GPR158: variants seen among roughly 807,000 people sequenced by gnomAD.
GPR158 encodes the protein metabotropic glycine receptor.
A neutral mutation model predicts 78.2 loss-of-function variants in GPR158; 30 were observed. The ratio of observed to expected loss-of-function variants is 0.38; its 90% CI spans 0.29 to 0.52. GPR158 has a LOEUF of 0.52. GPR158 is among the 20% of genes least tolerant of loss of function. The pLI is 0.83. For missense variants in GPR158, 1,463 were observed against 1,523.5 expected (o/e 0.96, Z 0.66); for synonymous variants, 581 against 591.1 (o/e 0.98, Z 0.25).
In GPR158 at chr10:25,598,345, G is replaced by C; in HGVS notation, c.2719G>C (p.Ala907Pro). 1 of 1,614,094 alleles carries C rather than the reference G, an allele frequency of 6.2e-7. No homozygotes were observed. Among genetic ancestry groups the C allele is most frequent in the Non-Finnish European group, 8.5e-7 (1 of 1,180,006 alleles). ...GTTACAGAAGTCTCTCAGTGTCATAGCAAGCGCCAAGGAGAAGACTCTTGG... is the reference window on the plus strand; with the variant it reads ...GTTACAGAAGTCTCTCAGTGTCATACCAAGCGCCAAGGAGAAGACTCTTGG... ...SMLQKSLSVI[A>P]SAKEKTLGLA... Residue 907 changes from alanine (A) to proline (P), a missense_variant, in exon 11 of 11, where the codon GCA becomes CCA. Coordinates refer to ENST00000376351, the MANE Select transcript of GPR158 (RefSeq NM_020752.3).
Position 25,292,075 on chromosome 10 carries a change from C to T in GPR158, c.1008+70918C>T, listed in dbSNP as rs572426752. On this transcript the variant is annotated intron_variant, in intron 2 of 10. Transcript: ENST00000376351. ...CTCCAACAAAGTAGTTAGATACACA[C>T]CCACACACATATACATACATGTTTA... Among the ~76,000 whole-genome samples the T allele has an allele frequency of 5.3e-5, 8 of 152,008 alleles. No individual in the cohort carries two copies. The South Asian group carries it at 1.7e-3, about 32-fold the overall frequency.
At chr10:25,406,463 G>A (rs976257888) in intron 3 of GPR158, among the ~76,000 whole-genome samples, 3 of 151,926 alleles carry the variant, frequency 2.0e-5, no homozygotes, top group Non-Finnish European at 2.9e-5. Flanking sequence ...TCTACCTTTG[G>A]TCAACCTGAA....
intron 2 of GPR158, among the ~76,000 whole-genome samples, chr10:25,347,185 G>A (rs1855382111): frequency 6.6e-6 from 1 of 151,918 alleles, no homozygotes; most frequent in Non-Finnish European, 1.5e-5. Context: ...GACTCTAGGG[G>A]AGAAGTGGTT....
At chr10:25,508,763 C>T (rs1836046472) in intron 5 of GPR158, among the ~76,000 whole-genome samples, 1 of 152,110 alleles carries the variant, frequency 6.6e-6, no homozygotes, top group African/African-American at 2.4e-5. Context: ...TTTCTGCTTA[C>T]TTACAGGAAA....
At chr10:25,304,216 C>T (rs1854636138) in intron 2 of GPR158, among the ~76,000 whole-genome samples, 1 of 151,330 alleles carries the variant, frequency 6.6e-6, no homozygotes, top group Non-Finnish European at 1.5e-5. Flanking sequence ...GGCTTTGAAC[C>T]TAAAATTCAC....
At chr10:25,342,998 C>T (rs947371136) in intron 2 of GPR158, among the ~76,000 whole-genome samples, 1 of 151,734 alleles carries the variant, frequency 6.6e-6, no homozygotes, top group African/African-American at 2.4e-5. Context: ...AAAGATAAGA[C>T]ACTGATCAAG....
chr10:25,553,503 C>A (rs1836751661), intron 6 of GPR158, among the ~76,000 whole-genome samples: 1 of 151,962 alleles, frequency 6.6e-6, no homozygotes, highest in African/African-American at 2.4e-5. Flanking sequence ...TTAACTGATC[C>A]CAACATTGTT....
intron 2 of GPR158, among the ~76,000 whole-genome samples, chr10:25,275,791 T>C (rs1265574764): frequency 2.6e-5 from 4 of 152,324 alleles, no homozygotes; most frequent in African/African-American, 9.6e-5. Context: ...ATTTTACATG[T>C]GGAGAAAATG....
At chr10:25,317,252 T>C (rs1370476632) in intron 2 of GPR158, among the ~76,000 whole-genome samples, 1 of 151,950 alleles carries the variant, frequency 6.6e-6, no homozygotes, top group African/African-American at 2.4e-5. Flanking sequence ...TTCACCATGT[T>C]GGTCAGGCTG....
At chr10:25,533,185 A>G (rs1309762324) in intron 5 of GPR158, among the ~76,000 whole-genome samples, 1 of 152,220 alleles carries the variant, frequency 6.6e-6, no homozygotes, top group Non-Finnish European at 1.5e-5. Context: ...GCTGCACTGT[A>G]GTAGTTCTTA....
chr10:25,433,536 G>GTGTGT (rs1554803602), intron 4 of GPR158, among the ~76,000 whole-genome samples: 9 of 131,890 alleles, frequency 6.8e-5, no homozygotes, highest in African/African-American at 2.8e-4. Flanking sequence ...TTAGGGGTGT[G>GTGTGT]TGTGTGTGTG....
At chr10:25,267,363 G>A (rs1382805852) in intron 2 of GPR158, among the ~76,000 whole-genome samples, 1 of 152,120 alleles carries the variant, frequency 6.6e-6, no homozygotes, top group Non-Finnish European at 1.5e-5. Flanking sequence ...AGTGTCCAGT[G>A]AAGGGGAGGC....
chr10:25,485,950 C>G (rs1835729462), intron 5 of GPR158, among the ~76,000 whole-genome samples: 1 of 152,020 alleles, frequency 6.6e-6, no homozygotes, highest in Non-Finnish European at 1.5e-5. Flanking sequence ...GGATTAGTGC[C>G]CTTTTAAAAG....
rs1168639485 is a variant in GPR158 at position 25,601,508 on chromosome 10, C to T, written c.*2234C>T. 1 of 152,612 alleles carries T rather than the reference C, an allele frequency of 6.6e-6. No individual in the cohort carries two copies. Among genetic ancestry groups the T allele is most frequent in the African/African-American group, 2.4e-5 (1 of 41,458 alleles). 9.5% of individuals were successfully genotyped at this position (152,612 alleles called of 1,614,324 possible). On this transcript the variant is annotated 3_prime_UTR_variant, in exon 11 of 11. Coordinates refer to ENST00000376351, the MANE Select transcript of GPR158 (RefSeq NM_020752.3). The stretch of plus-strand genomic sequence containing the variant: ...TCTTGAGAATTATGCAGTCAAGCAT[C>T]AGTGACTTTCTATTGCACTTCAGGA...
intron 2 of GPR158, among the ~76,000 whole-genome samples, chr10:25,239,589 C>T (rs1344325728): frequency 7.2e-6 from 1 of 139,134 alleles, no homozygotes; most frequent in East Asian, 2.2e-4. Context: ...GCTTGGGTGA[C>T]AGAGCGAGAC....
intron 4 of GPR158, among the ~76,000 whole-genome samples, chr10:25,443,644 C>CAGCTTCCTCTACTGCAGTCTGT (rs1345596955): frequency 2.0e-4 from 30 of 148,264 alleles, no homozygotes; most frequent in Non-Finnish European, 3.1e-4. Context: ...TGACCTCAAG[C>CAGCTTCCTCTACTGCAGTCTGT]GATCATTCCA....
At chr10:25,256,967 C>T (rs530373893) in intron 2 of GPR158, among the ~76,000 whole-genome samples, 3 of 152,250 alleles carry the variant, frequency 2.0e-5, no homozygotes, top group East Asian at 3.9e-4. Context: ...AAAACATTGT[C>T]TCAGGTACAG....
intron 2 of GPR158, among the ~76,000 whole-genome samples, chr10:25,350,188 A>C (rs1855439743): frequency 6.6e-6 from 1 of 151,992 alleles, no homozygotes; most frequent in Non-Finnish European, 1.5e-5. Flanking sequence ...TACAAATATC[A>C]GTAAGGCATG....
At chr10:25,410,617 A>AAAAT (rs967773293) in intron 3 of GPR158, among the ~76,000 whole-genome samples, 23 of 152,252 alleles carry the variant, frequency 1.5e-4, no homozygotes, top group South Asian at 4.2e-4. Flanking sequence ...CTCCATCACA[A>AAAAT]AAATAAATAA....
Sources: gnomAD v4.1 joint callset for allele counts (sites outside exome capture counted in the v4.1 genomes callset) on GRCh38, gnomAD v4.1.1 for gene constraint, MANE v1.5 for transcripts, NCBI Gene and HGNC (gene_info 2026-07-23, HGNC 2026-07-21) for gene names.